The following AIM2 variants were observed in gnomAD, a reference collection of about 807,000 sequenced individuals.
AIM2 encodes the protein interferon-inducible protein AIM2.
Under a neutral mutation model 27.7 loss-of-function variants are expected in AIM2, and 30 were observed. The observed-to-expected ratio is 1.08, with a 90% CI of 0.81 to 1.47. The LOEUF (loss-of-function observed/expected upper bound fraction) is 1.47. Ranked by LOEUF, AIM2 falls within the 40% of genes most tolerant of loss-of-function variation. The pLI, the probability that AIM2 is intolerant of heterozygous loss-of-function variation, is 0.00. For missense variants in AIM2, 358 were observed against 411.3 expected, an observed-to-expected ratio of 0.87 and a Z score of 1.12; for synonymous variants, 141 against 145.3, an observed-to-expected ratio of 0.97 and a Z score of 0.21.
At position 159,084,407 on chromosome 1, in the gene AIM2, T is replaced by C. The variant is rs540740489; in HGVS notation, c.-15-18078A>G. On this transcript the variant is annotated intron_variant, in intron 1 of 2. Transcript: ENST00000368129. ...TGGAGAGAAAGCAACAATCTTGAAC[T>C]GTTCAAGATTCCTACTGCAAACAAC... Among the ~76,000 whole-genome samples, 4 of 152,044 alleles carry C rather than the reference T, an allele frequency of 2.6e-5. No individual in the cohort carries two copies. The South Asian group carries it at 8.3e-4, about 32-fold the overall frequency.
At chr1:159,125,179 G>C (rs904634264) in intron 1 of AIM2, among the ~76,000 whole-genome samples, 1 of 152,128 alleles carries the variant, frequency 6.6e-6, no homozygotes, top group South Asian at 2.1e-4. Context: ...ACTAAAAATC[G>C]TGACCATTAT....
intron 1 of AIM2, among the ~76,000 whole-genome samples, chr1:159,073,776 C>G (rs1656477166): frequency 6.6e-6 from 1 of 152,202 alleles, no homozygotes; most frequent in East Asian, 1.9e-4. Flanking sequence ...TAGCTCACGC[C>G]TGTAATAATC....
chr1:159,114,076 G>C, intron 1 of AIM2, among the ~76,000 whole-genome samples: 1 of 152,202 alleles, frequency 6.6e-6, no homozygotes, highest in East Asian at 1.9e-4. Context: ...TTTAGGTGTA[G>C]AGAAATGAAA....
Position 159,108,398 on chromosome 1 carries a change from T to A in AIM2, c.-16+32033A>T, listed in dbSNP as rs910570539. ...GGCTTACAATGGACATACCTCAATA[T>A]AACAAAAGCCATCTATGACAAACCC... is the stretch of plus-strand genomic sequence containing the variant. On this transcript the variant is annotated intron_variant, in intron 1 of 2. Transcript: ENST00000368129. Among the ~76,000 whole-genome samples, 8 of 152,232 alleles carry A rather than the reference T, an allele frequency of 5.3e-5. No homozygotes were observed. The South Asian group carries it at 8.3e-4, about 16-fold the overall frequency.
intron 1 of AIM2, among the ~76,000 whole-genome samples, chr1:159,128,540 G>A (rs1647781155): frequency 6.6e-6 from 1 of 152,130 alleles, no homozygotes; most frequent in Non-Finnish European, 1.5e-5. Context: ...GACCAAGCCA[G>A]TAGTCCTCTA....
chr1:159,066,390 T>C, intron 3 of AIM2, 61 bp from the exon 4 acceptor site: 1 of 1,515,772 alleles, frequency 6.6e-7, no homozygotes, highest in Non-Finnish European at 8.9e-7. Context: ...GAAAGGACCT[T>C]ACTTCACCTA....
At chr1:159,135,217 G>T (rs1400742296) in intron 1 of AIM2, among the ~76,000 whole-genome samples, 2 of 152,160 alleles carry the variant, frequency 1.3e-5, no homozygotes, top group Admixed American at 6.6e-5. Flanking sequence ...ATTCAACTCT[G>T]TCAGTTTTCC....
At chr1:159,085,157 T>G (rs1271899438) in intron 1 of AIM2, among the ~76,000 whole-genome samples, 1 of 152,096 alleles carries the variant, frequency 6.6e-6, no homozygotes, top group African/African-American at 2.4e-5. Flanking sequence ...GAGAGCCAGG[T>G]TCTCATGTTG....
intron 2 of AIM2, among the ~76,000 whole-genome samples, chr1:159,069,890 G>A (rs190100706): frequency 1.7e-4 from 26 of 152,180 alleles, no homozygotes; most frequent in South Asian, 6.2e-4. Flanking sequence ...TCCTTCTGTC[G>A]AGGGGACCCC....
intron 1 of AIM2, among the ~76,000 whole-genome samples, chr1:159,095,020 A>G (rs1334992290): frequency 1.3e-5 from 2 of 152,204 alleles, no homozygotes; most frequent in African/African-American, 4.8e-5. Flanking sequence ...ATTACTGAAA[A>G]AAAATCCAGA....
intron 1 of AIM2, among the ~76,000 whole-genome samples, chr1:159,125,056 G>A (rs1647650677): frequency 6.6e-6 from 1 of 152,212 alleles, no homozygotes; most frequent in Non-Finnish European, 1.5e-5. Flanking sequence ...TGTCCCCAGG[G>A]AACAGGCTAT....
In AIM2 at chr1:159,088,741, GGAA is replaced by G. The variant is rs367856032; in HGVS notation, c.-15-22415_-15-22413del. ...TGGGGCTTGTGGCTTTAAAAGAAGA[GGAA>G]GAGAGACCTGAGCTAGCTCACTAAG... is the stretch of plus-strand genomic sequence containing the variant. On this transcript the variant is annotated intron_variant, in intron 1 of 2. Coordinates refer to the AIM2 transcript ENST00000368129. Among the ~76,000 whole-genome samples, 41 of 152,180 alleles carry G rather than the reference GGAA, an allele frequency of 2.7e-4. 1 individual carries two copies. The South Asian group carries it at 8.3e-3, about 31-fold the overall frequency.
At chr1:159,119,694 T>C (rs1441581399) in intron 1 of AIM2, among the ~76,000 whole-genome samples, 2 of 152,156 alleles carry the variant, frequency 1.3e-5, no homozygotes, top group Non-Finnish European at 2.9e-5. Context: ...GTGTGCTCAA[T>C]ACTACTGGTT....
At chr1:159,134,559 C>G (rs151261597) in intron 1 of AIM2, among the ~76,000 whole-genome samples, 1 of 152,184 alleles carries the variant, frequency 6.6e-6, no homozygotes, top group Non-Finnish European at 1.5e-5. Context: ...CGGCCGAGTG[C>G]GGTGGCTCAC....
In AIM2 at chr1:159,068,687, T is replaced by A; in HGVS notation, c.277A>T (p.Lys93Ter). The change falls in exon 3 of 6, where the codon AAA becomes TAA. Residue 93 changes from lysine (K) to a stop codon, truncating the protein, a stop_gained. Coordinates refer to ENST00000368130, the MANE Select transcript of AIM2 (RefSeq NM_004833.3). LOFTEE classifies it high-confidence loss of function. ...EEKEKVDKQY[K>*]SVTKPKPLSQ... ...AGTGGCTTTGGTTTTGTTACCGATT[T>A]GTATTGCTTATCAACTGATTAAAAA... The A allele has an allele frequency of 6.2e-7, 1 of 1,613,888 alleles. No individual in the cohort carries two copies. Among genetic ancestry groups the A allele is most frequent in the Non-Finnish European group, 8.5e-7 (1 of 1,179,846 alleles).
At chr1:159,128,642 C>T (rs559197400) in intron 1 of AIM2, among the ~76,000 whole-genome samples, 26 of 152,174 alleles carry the variant, frequency 1.7e-4, no homozygotes, top group Non-Finnish European at 2.9e-4. Context: ...CTCCCACACC[C>T]CCTCTTTCCA....
chr1:159,119,849 C>T (rs565783223), intron 1 of AIM2, among the ~76,000 whole-genome samples: 18 of 149,218 alleles, frequency 1.2e-4, no homozygotes, highest in African/African-American at 4.6e-4. Context: ...TTTCCCTATC[C>T]CTCTCTCTTT....
intron 1 of AIM2, among the ~76,000 whole-genome samples, chr1:159,104,526 C>G (rs145805446): frequency 6.6e-6 from 1 of 152,048 alleles, no homozygotes; most frequent in Non-Finnish European, 1.5e-5. Context: ...TAAAATTTAT[C>G]ATTCAAATTG....
chr1:159,138,818 T>TA (rs1195109745), intron 1 of AIM2, among the ~76,000 whole-genome samples: 1 of 152,150 alleles, frequency 6.6e-6, no homozygotes, highest in African/African-American at 2.4e-5. Context: ...AATACAATAA[T>TA]AAATAACACA....
Sources: allele counts gnomAD v4.1 joint callset (sites outside exome capture counted in the v4.1 genomes callset), GRCh38; gene constraint gnomAD v4.1.1; transcripts MANE v1.5; gene names NCBI Gene and HGNC (gene_info 2026-07-23, HGNC 2026-07-21).